PTPRK: variants seen among roughly 807,000 people sequenced by gnomAD.
The protein encoded by PTPRK is receptor-type tyrosine-protein phosphatase kappa.
PTPRK carries 75 observed loss-of-function variants against 178.0 expected under a neutral mutation model. That is an observed-to-expected ratio of 0.42 (90% CI 0.35 to 0.51). PTPRK has a LOEUF of 0.51. PTPRK is among the 20% of genes least tolerant of loss of function. The pLI is 0.02. For missense variants in PTPRK, 1,441 were observed against 1,797.8 expected, an observed-to-expected ratio of 0.80 and a Z score of 3.59; for synonymous variants, 637 against 620.6, an observed-to-expected ratio of 1.03 and a Z score of -0.39.
chr6:128,358,424 C>G (rs1834247883), intron 2 of PTPRK, among the ~76,000 whole-genome samples: 1 of 152,218 alleles, frequency 6.6e-6, no homozygotes, highest in African/African-American at 2.4e-5. Flanking sequence ...AGTAACCCAA[C>G]AGTGTGCAGC....
chr6:127,979,677 A>C (rs1013978818), intron 25 of PTPRK, among the ~76,000 whole-genome samples: 4 of 152,194 alleles, frequency 2.6e-5, no homozygotes, highest in African/African-American at 9.7e-5. Context: ...AAAAGAGTAA[A>C]GTAACTGGTG....
intron 1 of PTPRK, among the ~76,000 whole-genome samples, chr6:128,503,539 T>C (rs1584997898): frequency 6.6e-6 from 1 of 152,328 alleles, no homozygotes; most frequent in East Asian, 1.9e-4. Flanking sequence ...CCCTCTGTGC[T>C]ATATACACTG....
intron 3 of PTPRK, among the ~76,000 whole-genome samples, chr6:128,256,214 G>T (rs1387299023): frequency 6.6e-6 from 1 of 152,160 alleles, no homozygotes; most frequent in African/African-American, 2.4e-5. Context: ...CGCTATGAGA[G>T]TTCAGGGGAG....
chr6:128,096,426 C>T (rs987223548), intron 7 of PTPRK, among the ~76,000 whole-genome samples: 2 of 152,108 alleles, frequency 1.3e-5, no homozygotes, highest in Non-Finnish European at 2.9e-5. Context: ...CAGGACATGA[C>T]AGGTCAATAT....
intron 7 of PTPRK, among the ~76,000 whole-genome samples, chr6:128,123,835 T>C (rs1234881800): frequency 1.3e-5 from 2 of 152,096 alleles, no homozygotes; most frequent in African/African-American, 2.4e-5. Flanking sequence ...TTGGAATTTG[T>C]CTGAATTTTT....
intron 1 of PTPRK, among the ~76,000 whole-genome samples, chr6:128,471,604 T>TA (rs34372021): frequency 0.28 from 18,093 of 63,534 alleles, 2,234 homozygotes; most frequent in Non-Finnish European, 0.35. Context: ...CAAAACAACC[T>TA]AAAAAAAAAA....
intron 2 of PTPRK, among the ~76,000 whole-genome samples, chr6:128,354,231 G>GTTTTTTTTTTTTTTTTTTATTTTTTTTTT (rs1833619571): frequency 2.0e-5 from 1 of 49,358 alleles, no homozygotes; most frequent in Non-Finnish European, 3.2e-5. Flanking sequence ...TTTTGTTTAT[G>GTTTTTTTTTTTTTTTTTTATTTTTTTTTT]TTTTTTTTTT....
chr6:128,455,609 G>A (rs1032924682), intron 1 of PTPRK, among the ~76,000 whole-genome samples: 1 of 152,094 alleles, frequency 6.6e-6, no homozygotes, highest in African/African-American at 2.4e-5. Context: ...TTCAGAGTGC[G>A]ATTTGAAGCA....
At chr6:128,227,538 T>A (rs1811565673) in intron 5 of PTPRK, among the ~76,000 whole-genome samples, 1 of 152,206 alleles carries the variant, frequency 6.6e-6, no homozygotes, top group Non-Finnish European at 1.5e-5. Context: ...TAAAATCAGG[T>A]AAAGTTTCCT....
At chr6:128,017,487 A>G (rs1359376180) in intron 13 of PTPRK, among the ~76,000 whole-genome samples, 1 of 151,622 alleles carries the variant, frequency 6.6e-6, no homozygotes, top group African/African-American at 2.4e-5. Flanking sequence ...TTTCATCTCA[A>G]AGATAATTTA....
At chr6:128,374,759 C>A (rs1227024339) in intron 2 of PTPRK, among the ~76,000 whole-genome samples, 1 of 152,170 alleles carries the variant, frequency 6.6e-6, no homozygotes, top group African/African-American at 2.4e-5. Context: ...CTCAGTATGA[C>A]CCTGTCAAGA....
At chr6:127,997,872 T>C (rs1554262933) in intron 16 of PTPRK, among the ~76,000 whole-genome samples, 1 of 152,112 alleles carries the variant, frequency 6.6e-6, no homozygotes. Flanking sequence ...GTTTAAAAGA[T>C]TCTTCATGAA....
At chr6:128,461,355 G>T (rs1203970049) in intron 1 of PTPRK, among the ~76,000 whole-genome samples, 1 of 151,510 alleles carries the variant, frequency 6.6e-6, no homozygotes, top group Non-Finnish European at 1.5e-5. Flanking sequence ...TGCATTAAAA[G>T]GACACTTAAA....
At chr6:128,019,025 T>C (rs1773038785) in intron 13 of PTPRK, among the ~76,000 whole-genome samples, 1 of 152,148 alleles carries the variant, frequency 6.6e-6, no homozygotes, top group African/African-American at 2.4e-5. Context: ...CTGCAATACA[T>C]ACCATGGCTA....
intron 1 of PTPRK, among the ~76,000 whole-genome samples, chr6:128,461,180 G>A (rs961811976): frequency 2.6e-5 from 4 of 151,958 alleles, no homozygotes; most frequent in African/African-American, 9.7e-5. Flanking sequence ...TACATTTGTA[G>A]TATAGATATG....
At chr6:128,427,463 T>C (rs1056990319) in intron 1 of PTPRK, among the ~76,000 whole-genome samples, 1 of 152,164 alleles carries the variant, frequency 6.6e-6, no homozygotes, top group Non-Finnish European at 1.5e-5. Context: ...TAAGCACACT[T>C]CTTTGTGCCA....
At chr6:128,201,701 AAT>A (rs1805988329) in intron 6 of PTPRK, among the ~76,000 whole-genome samples, 1 of 152,076 alleles carries the variant, frequency 6.6e-6, no homozygotes, top group African/African-American at 2.4e-5. Context: ...TCTATTAAAA[AAT>A]ATATATATTT....
Position 128,026,556 on chromosome 6 carries a change from G to A in PTPRK, c.2195-17288C>T, listed in dbSNP as rs111864217. On this transcript the variant is annotated intron_variant, in intron 13 of 29. Transcript: ENST00000368226. ...CTCTAGGCTTGTTCTGAAGATTACT[G>A]AATATACATTTAAAGTACCTAGAAG... Among the ~76,000 whole-genome samples the A allele has an allele frequency of 9.3e-3, 1,409 of 152,164 alleles. 19 individuals carry two copies. The highest frequency in any genetic ancestry group is 0.032 in the African/African-American group (1,331 of 41,512).
chr6:128,323,218 T>C (rs939859079), intron 2 of PTPRK, among the ~76,000 whole-genome samples: 7 of 152,046 alleles, frequency 4.6e-5, no homozygotes, highest in African/African-American at 7.2e-5. Flanking sequence ...AGAGACTAAG[T>C]ACAAAAATGA....
Sources: allele counts gnomAD v4.1 joint callset (sites outside exome capture counted in the v4.1 genomes callset), GRCh38; gene constraint gnomAD v4.1.1; transcripts MANE v1.5; gene names NCBI Gene and HGNC (gene_info 2026-07-23, HGNC 2026-07-21).